The following VPS45 variants were observed in gnomAD, a reference collection of about 807,000 sequenced individuals.
VPS45 encodes the protein vacuolar protein sorting-associated protein 45.
VPS45 carries 35 observed loss-of-function variants against 75.9 expected under a neutral mutation model. That is an observed-to-expected ratio of 0.46 (90% CI 0.35 to 0.61). VPS45 has a LOEUF of 0.61. Ranked by LOEUF, VPS45 falls within the 20% of genes least tolerant of loss-of-function variation. The probability of loss-of-function intolerance (pLI) is 0.00; values close to 1 mark genes in which losing one functional copy is unlikely to be tolerated. For synonymous variants in VPS45, 220 were observed against 238.2 expected (o/e 0.92, Z 0.70); for missense variants, 559 against 685.9 (o/e 0.81, Z 2.07).
At chr1:150,080,977 C>G (rs1235178667) in intron 7 of VPS45, among the ~76,000 whole-genome samples, 2 of 152,162 alleles carry the variant, frequency 1.3e-5, no homozygotes, top group African/African-American at 4.8e-5. Flanking sequence ...GGAAATGGTA[C>G]AGCTTGTAAC....
intron 3 of VPS45, among the ~76,000 whole-genome samples, chr1:150,075,502 G>C (rs1571820219): frequency 6.6e-6 from 1 of 151,992 alleles, no homozygotes. Flanking sequence ...TTATTCTTTT[G>C]ATATTAGTAG....
chr1:150,089,421 C>T (rs782437548), intron 10 of VPS45, among the ~76,000 whole-genome samples: 19 of 151,844 alleles, frequency 1.3e-4, no homozygotes, highest in Non-Finnish European at 2.5e-4. Context: ...TACTGTGGCA[C>T]GTAATCTCGG....
chr1:150,110,813 T>C (rs1657610900), intron 14 of VPS45, among the ~76,000 whole-genome samples, 186 bp downstream of exon 14: 1 of 152,252 alleles, frequency 6.6e-6, no homozygotes, highest in Admixed American at 6.5e-5. Context: ...GTTAAGTTCG[T>C]TAAGTTCATA....
At chr1:150,067,639 G>A (rs1654791400), upstream of VPS45, 5 of 514,298 alleles carry the variant, frequency 9.7e-6, no homozygotes, top group South Asian at 3.0e-5. Context: ...GCGTGGCAGC[G>A]GCCCAGGCCG....
chr1:150,073,050 G>T (rs1655170070), intron 3 of VPS45, among the ~76,000 whole-genome samples: 2 of 152,116 alleles, frequency 1.3e-5, no homozygotes, highest in Admixed American at 1.3e-4. Flanking sequence ...TTCTTGGAGT[G>T]GGGGTTAGGT....
chr1:150,118,627 A>C (rs1658072251), intron 14 of VPS45, among the ~76,000 whole-genome samples: 1 of 152,098 alleles, frequency 6.6e-6, no homozygotes, highest in South Asian at 2.1e-4. Context: ...GCTGGTCTCG[A>C]ACTCTGGACC....
chr1:150,102,065 C>T (rs113316220), intron 13 of VPS45, among the ~76,000 whole-genome samples: 15,944 of 113,174 alleles, frequency 0.14, 1,187 homozygotes, highest in Non-Finnish European at 0.19. Flanking sequence ...GGTGAAACCT[C>T]GTCTCTACTA....
intron 14 of VPS45, among the ~76,000 whole-genome samples, chr1:150,142,656 CTTG>C (rs782731151): frequency 1.3e-5 from 2 of 152,116 alleles, no homozygotes; most frequent in African/African-American, 4.8e-5. Context: ...ATCCAAATAA[CTTG>C]TTGTTGTTGC....
Position 150,144,821 on chromosome 1 carries a change from G to C in VPS45, c.*25G>C, listed in dbSNP as rs1659585826. Reference sequence around the variant, plus strand: ...AAACGGTGGTTGGGGGAAGGGCACAGCTTCCTCTCTTGTCCCCACTACAGG... The same window carrying C: ...AAACGGTGGTTGGGGGAAGGGCACACCTTCCTCTCTTGTCCCCACTACAGG... On this transcript the variant is annotated 3_prime_UTR_variant, in exon 15 of 15. Coordinates refer to ENST00000644510, the MANE Select transcript of VPS45 (RefSeq NM_007259.5). 6.2e-7 allele frequency: 1 copy of C among 1,613,806 alleles called. No homozygotes were observed. The highest frequency in any genetic ancestry group is 8.5e-7 in the Non-Finnish European group (1 of 1,180,006).
At chr1:150,121,443 T>C (rs1318939986) in intron 14 of VPS45, among the ~76,000 whole-genome samples, 2 of 152,244 alleles carry the variant, frequency 1.3e-5, no homozygotes, top group African/African-American at 2.4e-5. Context: ...CTGGGGTCTA[T>C]GCAGGTTTGC....
intron 14 of VPS45, among the ~76,000 whole-genome samples, chr1:150,141,761 T>C (rs1360813958): frequency 1.3e-5 from 2 of 152,208 alleles, no homozygotes; most frequent in East Asian, 1.9e-4. Flanking sequence ...TGTGTATCTG[T>C]CTCTGAGAGT....
intron 14 of VPS45, among the ~76,000 whole-genome samples, chr1:150,115,650 AT>A (rs1357350139): frequency 6.6e-6 from 1 of 152,050 alleles, no homozygotes; most frequent in Non-Finnish European, 1.5e-5. Flanking sequence ...TTCTTCTTTC[AT>A]TTTTGCTAGG....
chr1:150,099,069 A>T, intron 13 of VPS45: 1 of 1,051,526 alleles, frequency 9.5e-7, no homozygotes, highest in South Asian at 2.9e-5. Flanking sequence ...GCTCATAAGA[A>T]CTGTACCATT....
At chr1:150,081,845 C>G (rs1655732091) in intron 8 of VPS45, 39 bp from the exon 9 acceptor site, 2 of 1,246,826 alleles carry the variant, frequency 1.6e-6, no homozygotes, top group Non-Finnish European at 1.2e-6. Flanking sequence ...GAAAGTCAGA[C>G]TAGTTGATGA....
intron 14 of VPS45, among the ~76,000 whole-genome samples, chr1:150,125,350 T>C (rs1315801353): frequency 8.1e-5 from 12 of 148,894 alleles, no homozygotes; most frequent in Non-Finnish European, 1.5e-4. Flanking sequence ...TTTATTTATT[T>C]TTTAATATAT....
chr1:150,112,374 A>C (rs1657692625), intron 14 of VPS45, among the ~76,000 whole-genome samples: 1 of 152,174 alleles, frequency 6.6e-6, no homozygotes, highest in Non-Finnish European at 1.5e-5. Context: ...TTTCCTACAC[A>C]AGATTATATA....
intron 14 of VPS45, among the ~76,000 whole-genome samples, chr1:150,116,676 T>A (rs1246737436): frequency 6.6e-6 from 1 of 152,194 alleles, no homozygotes; most frequent in Non-Finnish European, 1.5e-5. Context: ...GGTAGCCATA[T>A]GGGATTTTGT....
At chr1:150,085,906 T>C (rs1553800562) in intron 10 of VPS45, among the ~76,000 whole-genome samples, 1 of 152,116 alleles carries the variant, frequency 6.6e-6, no homozygotes, top group Non-Finnish European at 1.5e-5. Flanking sequence ...TAATTAGTAA[T>C]GAAGATTTGC....
chr1:150,081,810 C>A (rs1655728467), intron 8 of VPS45, 74 bp from the exon 9 acceptor site: 1 of 958,342 alleles, frequency 1.0e-6, no homozygotes, highest in East Asian at 2.6e-5. Context: ...GTTCCAAATT[C>A]TTTTTCACTT....
Sources: allele counts gnomAD v4.1 joint callset (sites outside exome capture counted in the v4.1 genomes callset), GRCh38; gene constraint gnomAD v4.1.1; transcripts MANE v1.5; gene names NCBI Gene and HGNC (gene_info 2026-07-23, HGNC 2026-07-21).